SIM2: variants seen among roughly 807,000 people sequenced by gnomAD.
SIM2 encodes single-minded homolog 2.
SIM2 carries 28 observed loss-of-function variants against 64.8 expected under a neutral mutation model. The ratio of observed to expected loss-of-function variants is 0.43; its 90% confidence interval spans 0.32 to 0.59. SIM2 has a LOEUF of 0.59. Among genes scored for constraint, SIM2 ranks in the 20% least tolerant of loss-of-function variants. SIM2 has a pLI of 0.07. For synonymous variants in SIM2, 408 were observed against 391.1 expected (o/e 1.04, Z -0.51); for missense variants, 847 against 871.4 (o/e 0.97, Z 0.35).
At chr21:36,706,249 T>C (rs936241020) in intron 1 of SIM2, among the ~76,000 whole-genome samples, 1 of 152,182 alleles carries the variant, frequency 6.6e-6, no homozygotes, top group African/African-American at 2.4e-5. Context: ...GCTGGCTCCC[T>C]TTCCCTCCAT....
At chr21:36,724,675 A>G (rs1053265965) in intron 5 of SIM2, among the ~76,000 whole-genome samples, 2 of 152,206 alleles carry the variant, frequency 1.3e-5, no homozygotes. Flanking sequence ...TTTCCTCATT[A>G]GTAAAATGGG....
In SIM2 at chr21:36,745,813, C is replaced by T. The variant is rs190449776; in HGVS notation, c.1576+677C>T. 190 of 1,303,948 alleles carry T rather than the reference C, an allele frequency of 1.5e-4. 1 individual carries two copies. The East Asian group carries it at 8.4e-3, about 58-fold the overall frequency. 80.8% of individuals were successfully genotyped at this position (1,303,948 alleles called of 1,614,324 possible). Reference sequence around the variant, plus strand: ...GTGGCAGGCAAGCAGATGTCCTCTGCGGAGATACCGCCAGCTCCCCAGGAC... The same window carrying T: ...GTGGCAGGCAAGCAGATGTCCTCTGTGGAGATACCGCCAGCTCCCCAGGAC... On this transcript the variant is annotated intron_variant, in intron 10 of 10. Transcript: ENST00000290399. The surrounding 1 kb of genome is among the most constrained non-coding windows in gnomAD (Gnocchi z 4.8).
Position 36,745,699 on chromosome 21 carries a change from G to T in SIM2, c.1576+563G>T. The T allele has an allele frequency of 2.4e-6, 3 of 1,240,816 alleles. No individual in the cohort carries two copies. Among genetic ancestry groups the T allele is most frequent in the Non-Finnish European group, 3.2e-6 (3 of 946,880 alleles). The allele number at this position is 1,240,816 out of a possible 1,614,324, so 76.9% of individuals were successfully genotyped here. Reference sequence around the variant, plus strand: ...CTGTAAAATGGGGTGAAGCTGTGATGTGCCTACTCCCAAGGACACGACACA... The same window carrying T: ...CTGTAAAATGGGGTGAAGCTGTGATTTGCCTACTCCCAAGGACACGACACA... On this transcript the variant is annotated intron_variant, in intron 10 of 10. Transcript: ENST00000290399. This position sits in a 1 kb window ranked among gnomAD's most constrained non-coding sequence, Gnocchi z 4.8.
At chr21:36,723,313 T>C (rs1323770767) in intron 5 of SIM2, among the ~76,000 whole-genome samples, 183 bp downstream of exon 5, 1 of 152,136 alleles carries the variant, frequency 6.6e-6, no homozygotes, top group Non-Finnish European at 1.5e-5. Flanking sequence ...TTTAGGAGGA[T>C]GTTCCAGCTG....
chr21:36,700,052 T>G, intron 1 of SIM2, 131 bp downstream of exon 1: 1 of 960,998 alleles, frequency 1.0e-6, no homozygotes, highest in Non-Finnish European at 1.5e-6. Flanking sequence ...CTGAGGGAGG[T>G]TGCGTGAGGG....
At chr21:36,723,229 G>C in intron 5 of SIM2, 99 bp downstream of exon 5, 1 of 928,802 alleles carries the variant, frequency 1.1e-6, no homozygotes, top group East Asian at 2.4e-5. Context: ...GCACAAACTC[G>C]TCATCCCCAC....
rs776757125 is a variant in SIM2 at position 36,744,764 on chromosome 21, G to A, written c.1204G>A (p.Gly402Ser). Reference protein sequence around the residue: ...SSFQMDKLECGQLGNWRASPP... With the variant: ...SSFQMDKLECSQLGNWRASPP... ...GTTCCAAATGGACAAACTGGAATGCGGCCAGCTCGGAAACTGGAGAGCCAG... is the reference window on the plus strand; with the variant it reads ...GTTCCAAATGGACAAACTGGAATGCAGCCAGCTCGGAAACTGGAGAGCCAG... The change falls in exon 10 of 11, where the codon GGC becomes AGC. Residue 402 changes from glycine to serine, a missense_variant. Physicochemically the swap from Gly to Ser is moderately conservative, Grantham distance 56. This residue lies in a region of SIM2 where 447 missense variants were observed against 414.6 expected (regional missense o/e 1.08). Coordinates refer to ENST00000290399, the MANE Select transcript of SIM2 (RefSeq NM_005069.6). The A allele has an allele frequency of 3.7e-6, 6 of 1,611,084 alleles. No individual in the cohort carries two copies. The highest frequency in any genetic ancestry group is 1.1e-5 in the South Asian group (1 of 90,450).
In SIM2 at chr21:36,749,337, TA is replaced by T. The variant is rs2089293147; in HGVS notation, c.*1246del. ...GCTGCTTTATCAAAATGGTTTATTT[TA>T]GGAAACTTTTTCCACCTTTCTGAAT... On this transcript the variant is annotated 3_prime_UTR_variant, in exon 11 of 11. Transcript: ENST00000290399. The T allele has an allele frequency of 1.3e-5, 2 of 152,538 alleles. No homozygotes were observed. Among genetic ancestry groups the T allele is most frequent in the African/African-American group, 4.8e-5 (2 of 41,478 alleles). 9.4% of individuals were successfully genotyped at this position (152,538 alleles called of 1,614,324 possible).
chr21:36,738,854 G>A lies in SIM2; in HGVS notation c.851-2863G>A, dbSNP rs1033812158. Among the ~76,000 whole-genome samples, 6 of 152,322 alleles carry A rather than the reference G, an allele frequency of 3.9e-5. 1 individual carries two copies. The highest frequency in any genetic ancestry group is 2.6e-4 in the Admixed American group (4 of 15,300). ...ATACCCTTGAGCAGTGATCTGAGTC[G>A]GCTGAGATGCAGATGTTAAGCCTGG... On this transcript the variant is annotated intron_variant, in intron 7 of 10. Transcript: ENST00000290399.
At chr21:36,702,175 C>T (rs1402755940) in intron 1 of SIM2, among the ~76,000 whole-genome samples, 1 of 152,118 alleles carries the variant, frequency 6.6e-6, no homozygotes, top group Admixed American at 6.5e-5. Context: ...AATTGCTGGG[C>T]CCCGAGTTTG....
intron 3 of SIM2, among the ~76,000 whole-genome samples, chr21:36,713,621 T>C (rs2088706108): frequency 6.6e-6 from 1 of 152,226 alleles, no homozygotes; most frequent in Admixed American, 6.5e-5. Flanking sequence ...TGCCTCCTAA[T>C]GTAGTTAAGC....
chr21:36,730,865 C>T lies in SIM2; in HGVS notation c.744-180C>T, dbSNP rs141437102. ...TTCCCATTCATGAATAGTGCTACAT[C>T]CTGCACCGGGCTCGAGTTCAAAGAC... On this transcript the variant is annotated intron_variant, in intron 6 of 10. Coordinates refer to ENST00000290399, the MANE Select transcript of SIM2 (RefSeq NM_005069.6). Among the ~76,000 whole-genome samples, 89 of 152,288 alleles carry T rather than the reference C, an allele frequency of 5.8e-4. No individual in the cohort carries two copies. The Middle Eastern group carries it at 0.01, about 17-fold the overall frequency.
intron 6 of SIM2, among the ~76,000 whole-genome samples, chr21:36,730,165 A>G (rs1216084482): frequency 6.6e-6 from 1 of 152,226 alleles, no homozygotes; most frequent in East Asian, 1.9e-4. Flanking sequence ...GCCAATCAAC[A>G]GTGTCTAGCG....
intron 9 of SIM2, among the ~76,000 whole-genome samples, chr21:36,744,332 A>C (rs1430985684): frequency 7.1e-6 from 1 of 140,936 alleles, no homozygotes; most frequent in Non-Finnish European, 1.5e-5. Context: ...AAAAAAAGAA[A>C]GAAGGAAAAG....
intron 1 of SIM2, among the ~76,000 whole-genome samples, chr21:36,708,235 C>T (rs564954250): frequency 6.6e-6 from 1 of 152,218 alleles, no homozygotes; most frequent in Non-Finnish European, 1.5e-5. Flanking sequence ...CCGCGCTAAG[C>T]GCCGCAGCCT....
At chr21:36,732,219 T>A (rs912898995) in intron 7 of SIM2, among the ~76,000 whole-genome samples, 1 of 152,232 alleles carries the variant, frequency 6.6e-6, no homozygotes, top group Non-Finnish European at 1.5e-5. Flanking sequence ...CAAAGACTAA[T>A]TTGGATGGAG....
intron 5 of SIM2, 62 bp downstream of exon 5, chr21:36,723,192 A>C: frequency 7.2e-7 from 1 of 1,379,738 alleles, no homozygotes. Context: ...TGTTTTCAAG[A>C]GCGTCTGCAG....
At chr21:36,707,842 C>T (rs1247388258) in intron 1 of SIM2, among the ~76,000 whole-genome samples, 1 of 152,126 alleles carries the variant, frequency 6.6e-6, no homozygotes, top group East Asian at 1.9e-4. Context: ...CCAGGATCTC[C>T]ACGGCTGGTC....
At chr21:36,740,047 GA>G (rs1201768431) in intron 7 of SIM2, among the ~76,000 whole-genome samples, 1 of 116,252 alleles carries the variant, frequency 8.6e-6, no homozygotes, top group Non-Finnish European at 2.0e-5. Context: ...AAGAAAGAAA[GA>G]AAGAAAGAAA....
Sources: allele counts gnomAD v4.1 joint callset (sites outside exome capture counted in the v4.1 genomes callset), GRCh38; gene constraint gnomAD v4.1.1; regional missense constraint gnomAD v4.1.1; non-coding constraint Gnocchi (gnomAD v3.1); transcripts MANE v1.5; gene names NCBI Gene and HGNC (gene_info 2026-07-23, HGNC 2026-07-21).